Variants in AUTS2 observed in about 807,000 individuals in gnomAD.
The protein encoded by AUTS2 is autism susceptibility gene 2 protein.
Under a neutral mutation model 112.4 loss-of-function variants are expected in AUTS2, and 17 were observed. That is an observed-to-expected ratio of 0.15 (90% CI 0.10 to 0.23). AUTS2 has a LOEUF of 0.23. Among genes scored for constraint, AUTS2 ranks in the 10% least tolerant of loss-of-function variants. The pLI is 1.00. For missense variants in AUTS2, 1,510 were observed against 1,701.6 expected, an observed-to-expected ratio of 0.89 and a Z score of 1.98; for synonymous variants, 751 against 702.7, an observed-to-expected ratio of 1.07 and a Z score of -1.09.
At chr7:70,506,637 G>A (rs558716642) in intron 5 of AUTS2, among the ~76,000 whole-genome samples, 5 of 152,170 alleles carry the variant, frequency 3.3e-5, no homozygotes, top group Non-Finnish European at 7.3e-5. Context: ...CGCGCCCAGC[G>A]TAAAGGTCAA....
At chr7:70,509,979 G>A (rs543104492) in intron 5 of AUTS2, among the ~76,000 whole-genome samples, 18 of 152,194 alleles carry the variant, frequency 1.2e-4, no homozygotes, top group Non-Finnish European at 2.5e-4. Flanking sequence ...CGTTCCCAGT[G>A]CATCCTACAT....
At chr7:69,642,634 G>A (rs1160113602) in intron 1 of AUTS2, among the ~76,000 whole-genome samples, 3 of 152,150 alleles carry the variant, frequency 2.0e-5, no homozygotes, top group African/African-American at 7.2e-5. Context: ...TCAGCTGTTA[G>A]ATTTGATACT....
chr7:69,914,269 A>C (rs962760562), intron 2 of AUTS2, among the ~76,000 whole-genome samples: 6 of 151,748 alleles, frequency 4.0e-5, no homozygotes, highest in Non-Finnish European at 8.8e-5. Context: ...GCAATGGATG[A>C]CATTGCTAAT....
chr7:69,749,591 T>G lies in AUTS2; in HGVS notation c.309+149629T>G, dbSNP rs115017745. ...TTTCCCTTCCAGAGTATTTGTTTCT[T>G]TGGGTGTGGAAGCAGCTGCTGCAGC... On this transcript the variant is annotated intron_variant, in intron 1 of 18. Coordinates refer to ENST00000342771, the MANE Select transcript of AUTS2 (RefSeq NM_015570.4). Among the ~76,000 whole-genome samples, 444 of 152,314 alleles carry G rather than the reference T, an allele frequency of 2.9e-3. 5 individuals carry two copies. The highest frequency in any genetic ancestry group is 0.01 in the African/African-American group (430 of 41,562).
At chr7:69,764,391 TTTTTCC>T (rs1428503315) in intron 1 of AUTS2, among the ~76,000 whole-genome samples, 1 of 151,822 alleles carries the variant, frequency 6.6e-6, no homozygotes, top group Non-Finnish European at 1.5e-5. Flanking sequence ...TTTTTTTTTC[TTTTTCC>T]TTTAAGTTAA....
At chr7:69,796,139 C>T (rs1412919686) in intron 1 of AUTS2, among the ~76,000 whole-genome samples, 1 of 152,140 alleles carries the variant, frequency 6.6e-6, no homozygotes, top group Non-Finnish European at 1.5e-5. Flanking sequence ...GTTTTCAGTT[C>T]CTTTTCGCAT....
chr7:70,296,495 A>G (rs999772480), intron 4 of AUTS2, among the ~76,000 whole-genome samples: 3 of 152,228 alleles, frequency 2.0e-5, no homozygotes, highest in Non-Finnish European at 4.4e-5. Context: ...TTTTCAGCAT[A>G]TACGTACAGT....
intron 1 of AUTS2, among the ~76,000 whole-genome samples, chr7:69,814,183 G>T (rs918724446): frequency 6.6e-6 from 1 of 152,060 alleles, no homozygotes; most frequent in African/African-American, 2.4e-5. Context: ...CATTTTCTTG[G>T]CACCACACAT....
rs1805266143 is a variant in AUTS2 at position 70,631,634 on chromosome 7, T to G, written c.691-66935T>G. Among the ~76,000 whole-genome samples the G allele has an allele frequency of 6.6e-6, 1 of 152,190 alleles. No homozygotes were observed. The highest frequency in any genetic ancestry group is 2.1e-4 in the South Asian group (1 of 4,824). On this transcript the variant is annotated intron_variant, in intron 5 of 18. Transcript: ENST00000342771. This position sits in a 1 kb window ranked among gnomAD's most constrained non-coding sequence, Gnocchi z 4.5. ...AGGGCAGCTATGAAAATGGCCCAGC[T>G]GCAGAAAGTCATTCCTCACGAAGAA...
intron 1 of AUTS2, among the ~76,000 whole-genome samples, chr7:69,707,807 A>G (rs1798134498): frequency 6.6e-6 from 1 of 152,240 alleles, no homozygotes; most frequent in African/African-American, 2.4e-5. Flanking sequence ...TGTGCCTAAT[A>G]ACACTAACTT....
At chr7:70,785,776 C>T (rs892035173) in intron 16 of AUTS2, among the ~76,000 whole-genome samples, 179 bp from the exon 17 acceptor site, 1 of 152,156 alleles carries the variant, frequency 6.6e-6, no homozygotes, top group Non-Finnish European at 1.5e-5. Context: ...TTTTGCTAAC[C>T]CAGTGCCTAA....
chr7:70,603,680 C>A (rs937680408), intron 5 of AUTS2, among the ~76,000 whole-genome samples: 6 of 152,146 alleles, frequency 3.9e-5, no homozygotes, highest in African/African-American at 1.4e-4. Context: ...CGAGGAGGAG[C>A]CTGCAAATGT....
intron 1 of AUTS2, among the ~76,000 whole-genome samples, chr7:69,712,401 A>G (rs1798368561): frequency 6.8e-6 from 1 of 147,918 alleles, no homozygotes; most frequent in Non-Finnish European, 1.5e-5. Flanking sequence ...TTGTCTTGAG[A>G]CAACCATTGA....
chr7:70,698,061 C>G (rs1474964627), intron 5 of AUTS2, among the ~76,000 whole-genome samples: 4 of 152,016 alleles, frequency 2.6e-5, no homozygotes, highest in Non-Finnish European at 5.9e-5. Context: ...CTGCAAGGGA[C>G]AGGGATCTTG....
At chr7:70,544,663 G>C (rs1217369383) in intron 5 of AUTS2, among the ~76,000 whole-genome samples, 1 of 152,196 alleles carries the variant, frequency 6.6e-6, no homozygotes, top group Non-Finnish European at 1.5e-5. Flanking sequence ...TTATTTTCAA[G>C]ATAATAAAAG....
At chr7:70,604,552 G>A (rs1160070371) in intron 5 of AUTS2, among the ~76,000 whole-genome samples, 5 of 152,240 alleles carry the variant, frequency 3.3e-5, no homozygotes, top group African/African-American at 1.2e-4. Context: ...TACAGGACAG[G>A]TAACACTTGC....
chr7:70,145,291 C>T (rs567646922), intron 4 of AUTS2, among the ~76,000 whole-genome samples: 2 of 152,012 alleles, frequency 1.3e-5, no homozygotes, highest in African/African-American at 4.8e-5. Context: ...CATACTGTAC[C>T]TTTTTTCTTT....
rs17140774 is a variant in AUTS2, at chr7:69,664,650, A to C, written c.309+64688A>C. On this transcript the variant is annotated intron_variant, in intron 1 of 18. Coordinates refer to ENST00000342771, the MANE Select transcript of AUTS2 (RefSeq NM_015570.4). ...TGTGTCTCATGCCACTACTAAGAAA[A>C]CCTGCAAATCAGAAGCAAATTCTAT... Among the ~76,000 whole-genome samples the C allele has an allele frequency of 1.9e-3, 288 of 152,242 alleles. 1 individual carries two copies. Among genetic ancestry groups the C allele is most frequent in the African/African-American group, 6.6e-3 (276 of 41,532 alleles).
Position 70,743,790 on chromosome 7 carries a change from T to C in AUTS2, c.743-19080T>C, listed in dbSNP as rs571916054. 2.6e-5 allele frequency among the ~76,000 whole-genome samples: 4 copies of C among 152,320 alleles called. No individual in the cohort carries two copies. The East Asian group carries it at 5.8e-4, about 22-fold the overall frequency. On this transcript the variant is annotated intron_variant, in intron 6 of 18. Coordinates refer to ENST00000342771, the MANE Select transcript of AUTS2 (RefSeq NM_015570.4). ...CCTCCCAGCACTGACAGATTTGAAA[T>C]GTGTGCCTGAAGTGCACCTTTGTGC...
Sources: allele counts gnomAD v4.1 joint callset (sites outside exome capture counted in the v4.1 genomes callset), GRCh38; gene constraint gnomAD v4.1.1; non-coding constraint Gnocchi (gnomAD v3.1); transcripts MANE v1.5; gene names NCBI Gene and HGNC (gene_info 2026-07-23, HGNC 2026-07-21).